LAMA2: variants seen among roughly 807,000 people sequenced by gnomAD.
LAMA2 encodes laminin subunit alpha 2.
LAMA2 carries 269 observed loss-of-function variants against 364.8 expected under a neutral mutation model. The ratio of observed to expected loss-of-function variants is 0.74; its 90% CI spans 0.67 to 0.82. The LOEUF (loss-of-function observed/expected upper bound fraction) is 0.82. Ranked by LOEUF, LAMA2 falls within the 40% of genes least tolerant of loss-of-function variation. The probability of loss-of-function intolerance (pLI) is 0.00; values close to 1 mark genes in which losing one functional copy is unlikely to be tolerated. For synonymous variants in LAMA2, 1,379 were observed against 1,370.6 expected, an observed-to-expected ratio of 1.01 and a Z score of -0.14; for missense variants, 3,807 against 3,873.2, an observed-to-expected ratio of 0.98 and a Z score of 0.45.
chr6:129,301,702 A>G (rs1271590628), intron 22 of LAMA2, among the ~76,000 whole-genome samples: 1 of 152,124 alleles, frequency 6.6e-6, no homozygotes, highest in Non-Finnish European at 1.5e-5. Context: ...GCTTTTTGTG[A>G]GGTATTAATA....
chr6:129,470,406 G>C (rs866887165), intron 51 of LAMA2, among the ~76,000 whole-genome samples: 2 of 151,912 alleles, frequency 1.3e-5, no homozygotes, highest in Admixed American at 6.6e-5. Context: ...ATACATTTAA[G>C]TCATCAATAC....
intron 18 of LAMA2, among the ~76,000 whole-genome samples, chr6:129,282,180 A>G (rs143684268): frequency 9.4e-4 from 143 of 152,304 alleles, no homozygotes; most frequent in African/African-American, 3.3e-3. Flanking sequence ...TGAGTTTGGG[A>G]AGCATCCATT....
chr6:129,124,652 T>C (rs1777006152), intron 4 of LAMA2, among the ~76,000 whole-genome samples: 1 of 152,226 alleles, frequency 6.6e-6, no homozygotes, highest in African/African-American at 2.4e-5. Context: ...TCAGGCTAAA[T>C]TGCTGTCTTG....
At chr6:129,149,139 C>T (rs1469040810) in intron 7 of LAMA2, 43 bp downstream of exon 7, 1 of 1,246,292 alleles carries the variant, frequency 8.0e-7, no homozygotes, top group South Asian at 1.2e-5. Context: ...TTCTTCCTTT[C>T]CAAGAAAAAA....
intron 40 of LAMA2, among the ~76,000 whole-genome samples, chr6:129,421,985 G>A (rs768307912): frequency 1.3e-5 from 2 of 151,894 alleles, no homozygotes; most frequent in South Asian, 2.1e-4. Context: ...AACTTTCAAG[G>A]CCTCCAAATT....
chr6:129,048,541 CT>C, intron 1 of LAMA2, among the ~76,000 whole-genome samples: 1 of 36,380 alleles, frequency 2.7e-5, no homozygotes, highest in African/African-American at 1.1e-4. Context: ...TCCTTCCTTC[CT>C]TTCTTTCTTT....
chr6:128,991,168 A>AT (rs1386108320), intron 1 of LAMA2, among the ~76,000 whole-genome samples: 2 of 152,018 alleles, frequency 1.3e-5, no homozygotes, highest in African/African-American at 2.4e-5. Flanking sequence ...ATTTTTACTA[A>AT]TTTTTTTCCG....
chr6:129,318,583 TA>T (rs1251900797), intron 27 of LAMA2, among the ~76,000 whole-genome samples: 1 of 152,190 alleles, frequency 6.6e-6, no homozygotes, highest in African/African-American at 2.4e-5. Context: ...AATGCAAAGT[TA>T]CCTTCTTACT....
At chr6:129,395,594 T>C (rs1166341324) in intron 37 of LAMA2, among the ~76,000 whole-genome samples, 2 of 152,122 alleles carry the variant, frequency 1.3e-5, no homozygotes, top group African/African-American at 4.8e-5. Context: ...GAACCACGGG[T>C]ATAAACACTA....
chr6:129,191,279 A>G (rs1781508831), intron 11 of LAMA2, among the ~76,000 whole-genome samples: 1 of 152,254 alleles, frequency 6.6e-6, no homozygotes, highest in Non-Finnish European at 1.5e-5. Context: ...AACTTTAATC[A>G]GTGAACTAAT....
intron 12 of LAMA2, among the ~76,000 whole-genome samples, chr6:129,213,160 A>G (rs1413167907): frequency 6.6e-6 from 1 of 152,188 alleles, no homozygotes; most frequent in Admixed American, 6.5e-5. Flanking sequence ...TTTTTCACTT[A>G]GCAATATGCC....
chr6:128,958,221 T>C (rs569072818), intron 1 of LAMA2, among the ~76,000 whole-genome samples: 5 of 152,278 alleles, frequency 3.3e-5, no homozygotes, highest in Non-Finnish European at 5.9e-5. Flanking sequence ...TTTTTCAACA[T>C]TTGGTCTACT....
intron 7 of LAMA2, among the ~76,000 whole-genome samples, chr6:129,150,960 A>G (rs1044463070): frequency 2.0e-5 from 3 of 152,188 alleles, no homozygotes; most frequent in African/African-American, 7.2e-5. Flanking sequence ...TCTAGCTTAC[A>G]TAAGGCAAGA....
chr6:128,926,378 A>G (rs1779101691), intron 1 of LAMA2, among the ~76,000 whole-genome samples: 1 of 152,198 alleles, frequency 6.6e-6, no homozygotes, highest in Non-Finnish European at 1.5e-5. Flanking sequence ...ATCAGAACAT[A>G]TCATATCCCA....
intron 12 of LAMA2, among the ~76,000 whole-genome samples, chr6:129,235,956 T>G (rs1403822230): frequency 6.6e-6 from 1 of 152,212 alleles, no homozygotes; most frequent in Non-Finnish European, 1.5e-5. Context: ...TACTGTGCAA[T>G]GTACTTACTT....
At chr6:129,347,374 A>G (rs1451874220) in intron 30 of LAMA2, among the ~76,000 whole-genome samples, 1 of 152,160 alleles carries the variant, frequency 6.6e-6, no homozygotes, top group Non-Finnish European at 1.5e-5. Context: ...TAAATCCCTT[A>G]GGACTAAGTG....
intron 56 of LAMA2, among the ~76,000 whole-genome samples, chr6:129,488,802 C>T (rs1031448682): frequency 5.9e-5 from 9 of 152,248 alleles, no homozygotes; most frequent in Admixed American, 3.3e-4. Flanking sequence ...GACCAGAGAT[C>T]GCAAGTGACC....
chr6:129,060,746 C>T (rs183304505), intron 3 of LAMA2, among the ~76,000 whole-genome samples: 2 of 152,290 alleles, frequency 1.3e-5, no homozygotes, highest in Admixed American at 6.5e-5. Flanking sequence ...TAATGGATGC[C>T]ATTTGCCACC....
intron 43 of LAMA2, 51 bp from the exon 44 acceptor site, chr6:129,443,012 C>A: frequency 7.0e-7 from 1 of 1,421,590 alleles, no homozygotes; most frequent in Non-Finnish European, 9.9e-7. Flanking sequence ...AATACTTCCT[C>A]ATGAATTTAT....
Sources: allele counts gnomAD v4.1 joint callset (sites outside exome capture counted in the v4.1 genomes callset), GRCh38; gene constraint gnomAD v4.1.1; transcripts MANE v1.5; gene names NCBI Gene and HGNC (gene_info 2026-07-23, HGNC 2026-07-21).